Variants in STARD13 observed in about 807,000 individuals in gnomAD.
STARD13 encodes the protein StAR related lipid transfer domain containing 13, also known as stAR-related lipid transfer protein 13.
In STARD13, 62 loss-of-function variants were observed where a neutral mutation model predicts 106.4. The ratio of observed to expected loss-of-function variants is 0.58; its 90% CI spans 0.48 to 0.72. The LOEUF (loss-of-function observed/expected upper bound fraction) is 0.72, where lower values mean the gene tolerates loss of function less well. Ranked by LOEUF, STARD13 falls within the 30% of genes least tolerant of loss-of-function variation. The pLI, the probability that STARD13 is intolerant of heterozygous loss-of-function variation, is 0.00. For synonymous variants in STARD13, 565 were observed against 553.0 expected, an observed-to-expected ratio of 1.02 and a Z score of -0.31; for missense variants, 1,387 against 1,424.0, an observed-to-expected ratio of 0.97 and a Z score of 0.42.
At chr13:33,589,778 G>T in the STARD13 span, among the ~76,000 whole-genome samples, 5 of 152,214 alleles carry the variant, frequency 3.3e-5, no homozygotes, top group Non-Finnish European at 7.3e-5. Context: ...ATATTCTGTT[G>T]ATTTGGGGTG....
chr13:33,132,656 G>T (rs1186004832), intron 4 of STARD13, among the ~76,000 whole-genome samples: 2 of 152,092 alleles, frequency 1.3e-5, no homozygotes, highest in Non-Finnish European at 2.9e-5. Flanking sequence ...TTTGAGTCTA[G>T]CCTGGGCAAC....
At chr13:33,631,127 C>A in the STARD13 span, among the ~76,000 whole-genome samples, 1 of 152,172 alleles carries the variant, frequency 6.6e-6, no homozygotes, top group Non-Finnish European at 1.5e-5. Context: ...AAATAAATCA[C>A]ACAGTTTTAT....
At chr13:33,574,210 T>A in the STARD13 span, among the ~76,000 whole-genome samples, 2 of 152,166 alleles carry the variant, frequency 1.3e-5, no homozygotes, top group Non-Finnish European at 2.9e-5. Flanking sequence ...TCAGAGTACA[T>A]CTTCAGTAGT....
the STARD13 span, among the ~76,000 whole-genome samples, chr13:33,576,222 G>C: frequency 2.6e-5 from 4 of 151,896 alleles, no homozygotes; most frequent in Non-Finnish European, 2.9e-5. Context: ...AATTACTGTT[G>C]GTTCTGCTCT....
intron 1 of STARD13, among the ~76,000 whole-genome samples, chr13:33,213,529 G>A (rs1887844527): frequency 6.6e-6 from 1 of 152,184 alleles, no homozygotes; most frequent in Non-Finnish European, 1.5e-5. Flanking sequence ...TGTTGCCAAG[G>A]AATGGAACCT....
intron 1 of STARD13, among the ~76,000 whole-genome samples, chr13:33,199,958 T>C (rs1594094885): frequency 6.6e-6 from 1 of 152,368 alleles, no homozygotes; most frequent in East Asian, 1.9e-4. Context: ...TAAATCATTG[T>C]TTTCCTTTGG....
chr13:33,257,059 T>C (rs1355620902), intron 1 of STARD13, among the ~76,000 whole-genome samples: 3 of 152,194 alleles, frequency 2.0e-5, no homozygotes, highest in Non-Finnish European at 2.9e-5. Flanking sequence ...TTTTCAGACA[T>C]AAAATTAACA....
At chr13:33,238,433 G>T (rs7984091) in intron 1 of STARD13, among the ~76,000 whole-genome samples, 22 of 152,032 alleles carry the variant, frequency 1.4e-4, no homozygotes, top group African/African-American at 5.1e-4. Context: ...TCCCCCAAAA[G>T]GTAAAGTGAG....
intron 1 of STARD13, among the ~76,000 whole-genome samples, chr13:33,208,485 C>T (rs1017438229): frequency 3.3e-5 from 5 of 151,982 alleles, no homozygotes; most frequent in African/African-American, 9.7e-5. Flanking sequence ...AAAGGTGGGG[C>T]GGAACCATAT....
At chr13:33,274,810 A>T (rs1465375463) in intron 1 of STARD13, among the ~76,000 whole-genome samples, 1 of 152,118 alleles carries the variant, frequency 6.6e-6, no homozygotes, top group African/African-American at 2.4e-5. Context: ...GGTTCTAAGG[A>T]ATACAGTTTT....
chr13:33,408,941 ACAT>A, the STARD13 span, among the ~76,000 whole-genome samples: 1 of 151,548 alleles, frequency 6.6e-6, no homozygotes, highest in Admixed American at 6.6e-5. Flanking sequence ...CTTATCCAAA[ACAT>A]CTTCTCGAAC....
the STARD13 span, among the ~76,000 whole-genome samples, chr13:33,424,939 G>C: frequency 6.6e-6 from 1 of 152,190 alleles, no homozygotes; most frequent in Non-Finnish European, 1.5e-5. Context: ...ACAATTAAAA[G>C]ATGACTTTAA....
chr13:33,232,842 T>C (rs999919682), intron 1 of STARD13, among the ~76,000 whole-genome samples: 6 of 152,220 alleles, frequency 3.9e-5, no homozygotes, highest in Admixed American at 3.9e-4. Context: ...TCATCATGAT[T>C]GCTTCCTTGT....
At chr13:33,640,864 AG>A in the STARD13 span, among the ~76,000 whole-genome samples, 418 of 152,332 alleles carry the variant, frequency 2.7e-3, 1 homozygote, top group African/African-American at 9.2e-3. Context: ...GGAAGCTGGG[AG>A]GAATCTCTTG....
chr13:33,117,716 T>C, intron 8 of STARD13: 1 of 914,726 alleles, frequency 1.1e-6, no homozygotes, highest in Admixed American at 6.2e-5. Flanking sequence ...TTTTAAAAAA[T>C]TGAATAAGTT....
the STARD13 span, among the ~76,000 whole-genome samples, chr13:33,662,055 G>T: frequency 2.0e-5 from 3 of 152,134 alleles, no homozygotes; most frequent in East Asian, 5.8e-4. Context: ...GAGGTCAGGA[G>T]ATCGAGACCA....
upstream of STARD13, among the ~76,000 whole-genome samples, chr13:33,286,457 A>G (rs1326966762): frequency 6.6e-6 from 1 of 152,220 alleles, no homozygotes; most frequent in Non-Finnish European, 1.5e-5. Context: ...TAAAATACTT[A>G]GAAGGTGCCT....
At chr13:33,367,679 A>G in the STARD13 span, among the ~76,000 whole-genome samples, 2 of 151,224 alleles carry the variant, frequency 1.3e-5, no homozygotes, top group African/African-American at 4.9e-5. Context: ...TCATCAGAAA[A>G]GCATCCCAAA....
intron 1 of STARD13, among the ~76,000 whole-genome samples, chr13:33,232,010 A>T (rs1411124833): frequency 1.3e-5 from 2 of 152,210 alleles, no homozygotes; most frequent in South Asian, 4.1e-4. Flanking sequence ...TACTTGCTTC[A>T]ATGTAAATGC....
Sources: allele counts gnomAD v4.1 joint callset (sites outside exome capture counted in the v4.1 genomes callset), GRCh38; gene constraint gnomAD v4.1.1; transcripts MANE v1.5; gene names NCBI Gene and HGNC (gene_info 2026-07-23, HGNC 2026-07-21).